Variants in PTPRT observed in about 807,000 individuals in gnomAD.
PTPRT encodes protein tyrosine phosphatase receptor type T, also known as receptor-type tyrosine-protein phosphatase T.
PTPRT carries 56 observed loss-of-function variants against 176.8 expected under a neutral mutation model. The ratio of observed to expected loss-of-function variants is 0.32; its 90% confidence interval spans 0.26 to 0.40. PTPRT has a LOEUF of 0.40. PTPRT is among the 10% of genes least tolerant of loss of function. PTPRT has a pLI of 1.00. For missense variants in PTPRT, 1,540 were observed against 1,908.2 expected (o/e 0.81, Z 3.60); for synonymous variants, 783 against 739.0 (o/e 1.06, Z -0.96).
At chr20:42,647,153 C>G (rs1043580421) in intron 7 of PTPRT, among the ~76,000 whole-genome samples, 8 of 151,940 alleles carry the variant, frequency 5.3e-5, no homozygotes, top group South Asian at 2.1e-4. Context: ...CCACCCTGGC[C>G]TCCAATGTGT....
intron 23 of PTPRT, among the ~76,000 whole-genome samples, chr20:42,109,735 A>T (rs936248001): frequency 6.6e-6 from 1 of 152,140 alleles, no homozygotes; most frequent in African/African-American, 2.4e-5. Context: ...AATAATGCCC[A>T]CCTCTCCAGA....
At chr20:42,606,488 C>G (rs1246248639) in intron 7 of PTPRT, among the ~76,000 whole-genome samples, 2 of 152,198 alleles carry the variant, frequency 1.3e-5, no homozygotes, top group Non-Finnish European at 2.9e-5. Context: ...GGAATGACAG[C>G]CGCCATTCAT....
At chr20:42,054,163 T>C in the PTPRT span, among the ~76,000 whole-genome samples, 2 of 152,188 alleles carry the variant, frequency 1.3e-5, no homozygotes, top group East Asian at 3.9e-4. Flanking sequence ...TGATGGTCCA[T>C]TGCCAGGCAA....
chr20:42,281,571 A>C (rs1474319185), intron 13 of PTPRT, among the ~76,000 whole-genome samples: 2 of 152,068 alleles, frequency 1.3e-5, no homozygotes, highest in East Asian at 3.9e-4. Context: ...GTCGTTGTGC[A>C]TGTGTCTATA....
intron 12 of PTPRT, among the ~76,000 whole-genome samples, chr20:42,283,672 C>T (rs1343675724): frequency 6.6e-6 from 1 of 151,904 alleles, no homozygotes; most frequent in African/African-American, 2.4e-5. Context: ...GGAGAGAGTG[C>T]TAAAGGGTAA....
chr20:42,062,082 C>T, the PTPRT span, among the ~76,000 whole-genome samples: 1 of 152,098 alleles, frequency 6.6e-6, no homozygotes, highest in African/African-American at 2.4e-5. Flanking sequence ...TACAGGTATC[C>T]GCAGGTAGGG....
At chr20:42,606,856 T>G (rs971678275) in intron 7 of PTPRT, 1 of 152,234 alleles carries the variant, frequency 6.6e-6, no homozygotes, top group Non-Finnish European at 1.5e-5. Context: ...CCACTCATCC[T>G]GAACTACAAG....
chr20:42,125,469 CATA>C (rs1447117930), intron 19 of PTPRT, among the ~76,000 whole-genome samples: 2 of 152,118 alleles, frequency 1.3e-5, no homozygotes, highest in African/African-American at 4.8e-5. Flanking sequence ...TTCAATATCC[CATA>C]ATAAGACAGC....
intron 1 of PTPRT, among the ~76,000 whole-genome samples, chr20:43,096,583 C>G: frequency 6.6e-6 from 1 of 152,208 alleles, no homozygotes; most frequent in East Asian, 1.9e-4. Flanking sequence ...TCAGCAGGCT[C>G]CCGCCCCCCA....
In PTPRT at chr20:43,146,141, T is replaced by C. The variant is rs182703083; in HGVS notation, c.88+43505A>G. Among the ~76,000 whole-genome samples the C allele has an allele frequency of 3.6e-3, 551 of 152,256 alleles. 6 individuals carry two copies. Among genetic ancestry groups the C allele is most frequent in the Middle Eastern group, 6.8e-3 (2 of 294 alleles). On this transcript the variant is annotated intron_variant, in intron 1 of 30. Coordinates refer to ENST00000373187, the MANE Select transcript of PTPRT (RefSeq NM_007050.6). ...TTGGTTCTTCTTCTTGGACTTTTTT[T>C]CTCTACCCAACTTCCTACATTTTTC...
At chr20:42,117,158 T>G (rs746713446) in intron 21 of PTPRT, among the ~76,000 whole-genome samples, 2 of 152,154 alleles carry the variant, frequency 1.3e-5, no homozygotes, top group Admixed American at 6.6e-5. Flanking sequence ...GACTCATGGG[T>G]AAAGTCTCAC....
intron 7 of PTPRT, among the ~76,000 whole-genome samples, chr20:42,522,715 C>A (rs1338612939): frequency 6.6e-6 from 1 of 152,170 alleles, no homozygotes; most frequent in Non-Finnish European, 1.5e-5. Flanking sequence ...CCCACCTTGG[C>A]CTCCCGAAGT....
chr20:42,428,712 C>T (rs1384067868), intron 9 of PTPRT, among the ~76,000 whole-genome samples: 1 of 152,122 alleles, frequency 6.6e-6, no homozygotes, highest in Non-Finnish European at 1.5e-5. Context: ...ACGATGAAGT[C>T]ACCTCCATTG....
intron 13 of PTPRT, among the ~76,000 whole-genome samples, chr20:42,273,480 G>A (rs1167651632): frequency 6.6e-6 from 1 of 152,194 alleles, no homozygotes; most frequent in African/African-American, 2.4e-5. Context: ...CTCCCAAAGT[G>A]CTGGAATTAT....
intron 15 of PTPRT, among the ~76,000 whole-genome samples, chr20:42,202,647 G>T (rs934909569): frequency 6.6e-6 from 1 of 152,182 alleles, no homozygotes; most frequent in African/African-American, 2.4e-5. Context: ...AATTTGAAAA[G>T]AAATATAGCA....
rs140962123 is a variant in PTPRT, at chr20:42,480,073, G to A, written c.1154-7511C>T. On this transcript the variant is annotated intron_variant, in intron 7 of 30. Coordinates refer to ENST00000373187, the MANE Select transcript of PTPRT (RefSeq NM_007050.6). Reference sequence around the variant, plus strand: ...CACAGAGAAGGTAATCCACTCACGTGTTCATTGTCTCATTTCTTAATTGAA... The same window carrying A: ...CACAGAGAAGGTAATCCACTCACGTATTCATTGTCTCATTTCTTAATTGAA... Among the ~76,000 whole-genome samples the A allele has an allele frequency of 3.4e-3, 514 of 152,244 alleles. 2 individuals are homozygous for A. The highest frequency in any genetic ancestry group is 0.012 in the African/African-American group (500 of 41,530).
chr20:42,522,525 A>C (rs2072194445), intron 7 of PTPRT, among the ~76,000 whole-genome samples: 1 of 152,036 alleles, frequency 6.6e-6, no homozygotes, highest in Non-Finnish European at 1.5e-5. Flanking sequence ...CAGTGGTGCG[A>C]GTTCAGCTTA....
At chr20:42,773,422 C>T (rs143332566) in intron 4 of PTPRT, among the ~76,000 whole-genome samples, 30 of 152,202 alleles carry the variant, frequency 2.0e-4, no homozygotes, top group Non-Finnish European at 3.8e-4. Context: ...CACTGAAACC[C>T]CCAAAAAATC....
intron 7 of PTPRT, among the ~76,000 whole-genome samples, chr20:42,503,283 G>T (rs2071787873): frequency 6.6e-6 from 1 of 151,596 alleles, no homozygotes; most frequent in African/African-American, 2.4e-5. Flanking sequence ...TTAAATATTT[G>T]GATATTCTTC....
Sources: allele counts gnomAD v4.1 joint callset (sites outside exome capture counted in the v4.1 genomes callset), GRCh38; gene constraint gnomAD v4.1.1; transcripts MANE v1.5; gene names NCBI Gene and HGNC (gene_info 2026-07-23, HGNC 2026-07-21).